Variants in ADARB2 observed in about 807,000 individuals in gnomAD.
ADARB2 encodes the protein adenosine deaminase RNA specific B2 (inactive).
Under a neutral mutation model 62.2 loss-of-function variants are expected in ADARB2, and 25 were observed. The ratio of observed to expected loss-of-function variants is 0.40; its 90% CI spans 0.29 to 0.56. The LOEUF (loss-of-function observed/expected upper bound fraction) is 0.56, where lower values mean the gene tolerates loss of function less well. ADARB2 is among the 20% of genes least tolerant of loss of function. The probability of loss-of-function intolerance (pLI) is 0.43; values close to 1 mark genes in which losing one functional copy is unlikely to be tolerated. For synonymous variants in ADARB2, 572 were observed against 500.8 expected, an observed-to-expected ratio of 1.14 and a Z score of -1.90; for missense variants, 1,071 against 1,077.4, an observed-to-expected ratio of 0.99 and a Z score of 0.08.
At chr10:1,608,333 CTGAGA>C (rs1445789887) in intron 1 of ADARB2, among the ~76,000 whole-genome samples, 3 of 152,134 alleles carry the variant, frequency 2.0e-5, no homozygotes, top group South Asian at 4.1e-4. Flanking sequence ...TGTGCTGCTG[CTGAGA>C]TGTTTGTCCA....
At chr10:1,414,527 C>T (rs137939267) in intron 1 of ADARB2, among the ~76,000 whole-genome samples, 222 of 152,342 alleles carry the variant, frequency 1.5e-3, no homozygotes, top group African/African-American at 5.1e-3. Context: ...AAAGAACCTG[C>T]TCTCCATTAT....
In ADARB2 at chr10:1,438,342, G is replaced by C. The variant is rs940716216; in HGVS notation, c.101-59182C>G. On this transcript the variant is annotated intron_variant, in intron 1 of 9. Transcript: ENST00000381312. ...TAGCAGATGGAGGCAGGCCCTTCAT[G>C]ATGGGGCTCCTGAGTCTCCTCAGCA... is the stretch of plus-strand genomic sequence containing the variant. Among the ~76,000 whole-genome samples, 3 of 135,554 alleles carry C rather than the reference G, an allele frequency of 2.2e-5. No individual in the cohort carries two copies. In the South Asian group the frequency reaches 7.1e-4, roughly 32 times the overall value. The allele number at this position is 135,554 out of a possible 152,430, so 88.9% of individuals were successfully genotyped here.
At chr10:1,703,962 A>G (rs933856456) in intron 1 of ADARB2, among the ~76,000 whole-genome samples, 1 of 152,248 alleles carries the variant, frequency 6.6e-6, no homozygotes, top group Non-Finnish European at 1.5e-5. Flanking sequence ...AAGACCTAGC[A>G]AGCCGTGATT....
chr10:1,649,201 G>T (rs1030557937), intron 1 of ADARB2, among the ~76,000 whole-genome samples: 1 of 151,586 alleles, frequency 6.6e-6, no homozygotes, highest in Admixed American at 6.6e-5. Flanking sequence ...ATGAAATTCA[G>T]AAAAAAAAGA....
At chr10:1,185,135 G>A (rs1327888763) in intron 8 of ADARB2, 96 bp from the exon 9 acceptor site, 1 of 1,409,516 alleles carries the variant, frequency 7.1e-7, no homozygotes, top group Admixed American at 2.2e-5. Flanking sequence ...CTGTATGTGA[G>A]TGGGAATGGT....
rs142829081 is a variant in ADARB2, at chr10:1,241,467, C to T, written c.1361+664G>A. Among the ~76,000 whole-genome samples the T allele has an allele frequency of 8.3e-3, 1,261 of 152,244 alleles. 11 individuals carry two copies. Among genetic ancestry groups the T allele is most frequent in the Non-Finnish European group, 0.011 (717 of 68,000 alleles). On this transcript the variant is annotated intron_variant, in intron 5 of 9. Coordinates refer to ENST00000381312, the MANE Select transcript of ADARB2 (RefSeq NM_018702.4). ...GATGTGAAAGAGTAGACAGCAGACACAGGAGGGAGCGTTTCAGGAGAGGAG... is the reference window on the plus strand; with the variant it reads ...GATGTGAAAGAGTAGACAGCAGACATAGGAGGGAGCGTTTCAGGAGAGGAG...
rs147928972 is a variant in ADARB2, at chr10:1,450,810, A to G, written c.101-71650T>C. Among the ~76,000 whole-genome samples, 9 of 152,174 alleles carry G rather than the reference A, an allele frequency of 5.9e-5. No individual in the cohort carries two copies. The East Asian group carries it at 1.4e-3, about 23-fold the overall frequency. On this transcript the variant is annotated intron_variant, in intron 1 of 9. Coordinates refer to ENST00000381312, the MANE Select transcript of ADARB2 (RefSeq NM_018702.4). ...TGCCTTGGTGTTGTTCCAGCCTGAAAACCCAAGATTTGGGGTGTTATCTGC... is the reference window on the plus strand; with the variant it reads ...TGCCTTGGTGTTGTTCCAGCCTGAAGACCCAAGATTTGGGGTGTTATCTGC...
chr10:1,320,492 TCTC>T (rs1357419424), intron 3 of ADARB2, among the ~76,000 whole-genome samples: 1 of 152,202 alleles, frequency 6.6e-6, no homozygotes, highest in Non-Finnish European at 1.5e-5. Flanking sequence ...TCTTAGGGTA[TCTC>T]CTTGGTGAAG....
At chr10:1,270,659 A>T (rs1038280457) in intron 4 of ADARB2, among the ~76,000 whole-genome samples, 4 of 152,108 alleles carry the variant, frequency 2.6e-5, no homozygotes, top group African/African-American at 9.7e-5. Flanking sequence ...CAACCAGAGG[A>T]ACTTAGGACT....
intron 3 of ADARB2, among the ~76,000 whole-genome samples, chr10:1,352,094 G>A (rs192385362): frequency 0.38 from 57,612 of 151,194 alleles, 12,300 homozygotes; most frequent in East Asian, 0.82. Flanking sequence ...CTGTACTGCC[G>A]CAAAGCTTCA....
At chr10:1,411,336 G>C (rs1260052988) in intron 1 of ADARB2, among the ~76,000 whole-genome samples, 2 of 152,202 alleles carry the variant, frequency 1.3e-5, no homozygotes, top group Non-Finnish European at 1.5e-5. Context: ...TGCACCGGAG[G>C]CTCCGTCGTT....
At chr10:1,258,908 T>C (rs1236466472) in intron 4 of ADARB2, among the ~76,000 whole-genome samples, 1 of 152,182 alleles carries the variant, frequency 6.6e-6, no homozygotes, top group Non-Finnish European at 1.5e-5. Context: ...AGTAAAGCAC[T>C]CCTCAGCAAA....
At chr10:1,345,963 C>G (rs909308159) in intron 3 of ADARB2, among the ~76,000 whole-genome samples, 1 of 152,228 alleles carries the variant, frequency 6.6e-6, no homozygotes, top group East Asian at 1.9e-4. Context: ...ACAAATGAAC[C>G]GTGGTTAAGG....
At chr10:1,346,738 G>A (rs561587641) in intron 3 of ADARB2, among the ~76,000 whole-genome samples, 4 of 152,362 alleles carry the variant, frequency 2.6e-5, no homozygotes, top group Non-Finnish European at 4.4e-5. Flanking sequence ...GCAGCAGGCC[G>A]GGAGCCAGGC....
intron 7 of ADARB2, among the ~76,000 whole-genome samples, chr10:1,213,690 T>C (rs977519064): frequency 2.0e-5 from 3 of 152,208 alleles, no homozygotes; most frequent in African/African-American, 7.2e-5. Context: ...TTGTATTCTG[T>C]TTTCAAAAGG....
In ADARB2 at chr10:1,178,818, C is replaced by T. The variant is rs60715981; in HGVS notation, c.*4375G>A. On this transcript the variant is annotated 3_prime_UTR_variant, in exon 10 of 10. Coordinates refer to ENST00000381312, the MANE Select transcript of ADARB2 (RefSeq NM_018702.4). ...TGGACTAGGGGACTCTGCAGCCTCC[C>T]TGAGGGCCGCGGGAAGCCCACAGAG... 3.7e-4 allele frequency: 56 copies of T among 152,278 alleles called. No individual in the cohort carries two copies. Among genetic ancestry groups the T allele is most frequent in the African/African-American group, 1.3e-3 (54 of 41,548 alleles). 9.4% of individuals were successfully genotyped at this position (152,278 alleles called of 1,614,324 possible).
chr10:1,226,344 A>G (rs1006690259), intron 6 of ADARB2, among the ~76,000 whole-genome samples: 6 of 152,256 alleles, frequency 3.9e-5, no homozygotes, highest in African/African-American at 1.2e-4. Context: ...CTTCTTTGCC[A>G]TTGGTTCGAA....
At chr10:1,371,714 A>C (rs1832373520) in intron 2 of ADARB2, among the ~76,000 whole-genome samples, 1 of 151,712 alleles carries the variant, frequency 6.6e-6, no homozygotes, top group Non-Finnish European at 1.5e-5. Context: ...TCAACGTCAC[A>C]GGGGAAATGC....
At chr10:1,184,146 G>A (rs1250074868) in intron 9 of ADARB2, among the ~76,000 whole-genome samples, 1 of 152,186 alleles carries the variant, frequency 6.6e-6, no homozygotes, top group Non-Finnish European at 1.5e-5. Flanking sequence ...TGGCTAAAAC[G>A]TTTATTTTAG....
Sources: allele counts gnomAD v4.1 joint callset (sites outside exome capture counted in the v4.1 genomes callset), GRCh38; gene constraint gnomAD v4.1.1; transcripts MANE v1.5; gene names NCBI Gene and HGNC (gene_info 2026-07-23, HGNC 2026-07-21).